The following PLCH2 variants were observed in gnomAD, a reference collection of about 807,000 sequenced individuals.
PLCH2 encodes the protein phospholipase C eta 2.
In PLCH2, 98 loss-of-function variants were observed where a neutral mutation model predicts 134.7. That is an observed-to-expected ratio of 0.73 (90% CI 0.62 to 0.86). PLCH2 has a LOEUF of 0.86. PLCH2 is among the 40% of genes least tolerant of loss of function. PLCH2 has a pLI of 0.00. For missense variants in PLCH2, 1,994 were observed against 1,986.6 expected (o/e 1.00, Z -0.07); for synonymous variants, 974 against 827.5 (o/e 1.18, Z -3.04).
At chr1:2,436,633 C>A (rs3001357) in intron 2 of PLCH2, among the ~76,000 whole-genome samples, 3,062 of 152,122 alleles carry the variant, frequency 0.02, 111 homozygotes, top group African/African-American at 0.069. Flanking sequence ...CAGGGCTTAG[C>A]CGTCACCTGT....
intron 11 of PLCH2, chr1:2,494,422 G>A (rs1405374284): frequency 2.0e-5 from 5 of 245,610 alleles, no homozygotes; most frequent in East Asian, 1.3e-4. Flanking sequence ...CGCGCACTGC[G>A]GGAACAGGTC....
intron 2 of PLCH2, among the ~76,000 whole-genome samples, chr1:2,437,969 C>T (rs114112434): frequency 0.016 from 2,474 of 152,348 alleles, 27 homozygotes; most frequent in Non-Finnish European, 0.025. Context: ...TTGCCTGCCT[C>T]TGCCACCCCA....
rs1380809325 is a variant in PLCH2 at position 2,476,317 on chromosome 1, G to C, written c.-272G>C. 2.7e-6 allele frequency: 1 copy of C among 372,784 alleles called. No homozygotes were observed. Among genetic ancestry groups the C allele is most frequent in the Non-Finnish European group, 4.8e-6 (1 of 208,896 alleles). 23.1% of individuals were successfully genotyped at this position (372,784 alleles called of 1,614,324 possible). ...CTTTGCTCCCCCAGCCTTGGGAGGC[G>C]GCTGCGTCAGGGATTCCTTGGTGGC... On this transcript the variant is annotated 5_prime_UTR_variant, in exon 1 of 22. Coordinates refer to ENST00000378486, the MANE Select transcript of PLCH2 (RefSeq NM_014638.4).
chr1:2,498,527 G>A lies in PLCH2; in HGVS notation c.2229G>A (p.Val743=), dbSNP rs536725588. The change falls in exon 17 of 22, where the codon GTG becomes GTA. Residue 743 remains valine (V), a synonymous_variant. Coordinates refer to ENST00000378486, the MANE Select transcript of PLCH2 (RefSeq NM_014638.4). This position sits in a 1 kb window ranked among gnomAD's most constrained non-coding sequence, Gnocchi z 5.4. ...ACCTCCCCGGCATCCCCTCAGGCGT[G>A]TTCAACCCCAACTCGGAGGACCCCC... The part of the protein sequence containing the change: ...VLKPGCMCQG[V]FNPNSEDPLP... The A allele has an allele frequency of 1.2e-6, 2 of 1,608,028 alleles. No homozygotes were observed. Among genetic ancestry groups the A allele is most frequent in the Non-Finnish European group, 1.7e-6 (2 of 1,178,952 alleles).
intron 15 of PLCH2, 98 bp downstream of exon 15, chr1:2,497,108 G>A: frequency 8.1e-7 from 1 of 1,229,980 alleles, no homozygotes; most frequent in Non-Finnish European, 1.1e-6. Flanking sequence ...TGGGGCCTCG[G>A]TTCTGTCCTG....
intron 2 of PLCH2, among the ~76,000 whole-genome samples, chr1:2,441,420 G>A (rs1639687950): frequency 6.6e-6 from 1 of 152,214 alleles, no homozygotes; most frequent in African/African-American, 2.4e-5. Flanking sequence ...GCCTGGGGAT[G>A]TTCATTCACA....
chr1:2,463,939 G>C (rs1429553639), upstream of PLCH2, among the ~76,000 whole-genome samples: 1 of 152,258 alleles, frequency 6.6e-6, no homozygotes, highest in Non-Finnish European at 1.5e-5. Context: ...GTGAACTGGG[G>C]TCTCCTGAGC....
At position 2,435,454 on chromosome 1, in the gene PLCH2, TGGCTGGAGGCTGGA is replaced by T. The variant is rs58056215; in HGVS notation, c.115+4850_115+4863del. On this transcript the variant is annotated intron_variant, in intron 2 of 3. Transcript: ENST00000609981. ...CAGCAAAGCTGTTTTAGGTTCCAAA[TGGCTGGAGGCTGGA>T]GGCTGGAGGCTGGAGGCTGGAGGCA... 2.8e-3 allele frequency among the ~76,000 whole-genome samples: 427 copies of T among 150,854 alleles called. 2 individuals are homozygous for T. The highest frequency in any genetic ancestry group is 8.4e-3 in the African/African-American group (345 of 40,994).
Position 2,487,662 on chromosome 1 carries a change from G to A in PLCH2, c.1179G>A (p.Lys393=), listed in dbSNP as rs748111822. 1.2e-6 allele frequency: 2 copies of A among 1,613,494 alleles called. No individual in the cohort carries two copies. The change falls in exon 8 of 22, where the codon AAG becomes AAA. Residue 393 remains lysine, a synonymous_variant. Transcript: ENST00000378486. ...ACCATGGCTACACTCTGACTTCCAA[G>A]ATCCTCTTCAAAGACGTCATTGAAA... ...IVHHGYTLTS[K]ILFKDVIETI...
intron 2 of PLCH2, among the ~76,000 whole-genome samples, chr1:2,456,535 G>C (rs1208866420): frequency 6.6e-6 from 1 of 152,238 alleles, no homozygotes; most frequent in East Asian, 1.9e-4. Context: ...GGACGCGTGA[G>C]GTCACCGGGG....
At position 2,476,829 on chromosome 1, in the gene PLCH2, G is replaced by A. The variant is rs968721877; in HGVS notation, c.124+117G>A. 9.5e-5 allele frequency: 103 copies of A among 1,084,306 alleles called. No individual in the cohort carries two copies. The Admixed American group carries it at 1.8e-3, about 19-fold the overall frequency. 67.2% of individuals were successfully genotyped at this position (1,084,306 alleles called of 1,614,324 possible). A position where few individuals can be genotyped will look rare whatever the true frequency, so the allele number is the denominator to read the frequency against. On this transcript the variant is annotated intron_variant, in intron 1 of 21. Transcript: ENST00000378486. The stretch of plus-strand genomic sequence containing the variant: ...TGGGCCTCCATCCCATCCTGCACTC[G>A]CCTCCCCTGTCCCCCGGGTGCTCTA...
chr1:2,464,256 C>T (rs1473716699), upstream of PLCH2, among the ~76,000 whole-genome samples: 4 of 152,212 alleles, frequency 2.6e-5, no homozygotes, highest in Non-Finnish European at 5.9e-5. Flanking sequence ...CCCCTCCCCA[C>T]TCTGCCCTTA....
At chr1:2,436,415 CACCTTTCCTCCTTT>C (rs1639388378) in intron 2 of PLCH2, among the ~76,000 whole-genome samples, 1 of 66,502 alleles carries the variant, frequency 1.5e-5, no homozygotes, top group African/African-American at 8.2e-5. Context: ...TTCCTCCCTC[CACCTTTCCTCCTTT>C]CTCCCTCCTC....
At chr1:2,437,871 C>T (rs1441326897) in intron 2 of PLCH2, among the ~76,000 whole-genome samples, 2 of 152,254 alleles carry the variant, frequency 1.3e-5, no homozygotes, top group Non-Finnish European at 1.5e-5. Context: ...CATGCACCCA[C>T]GCACGTGGCC....
At chr1:2,447,205 G>A (rs537870804) in intron 2 of PLCH2, among the ~76,000 whole-genome samples, 5 of 152,352 alleles carry the variant, frequency 3.3e-5, no homozygotes, top group South Asian at 4.1e-4. Flanking sequence ...TGGCAGAAAC[G>A]AGCAACCTGA....
At chr1:2,501,793 G>A (rs1313201086) in intron 20 of PLCH2, 3 of 329,592 alleles carry the variant, frequency 9.1e-6, no homozygotes, top group African/African-American at 4.2e-5. Flanking sequence ...CCTCCGGAGG[G>A]AAAGACCTTC....
Position 2,503,938 on chromosome 1 carries a change from C to A in PLCH2, c.2976C>A (p.Ser992=). The change falls in exon 22 of 22, where the codon TCC becomes TCA. Residue 992 remains serine, a synonymous_variant. Coordinates refer to ENST00000378486, the MANE Select transcript of PLCH2 (RefSeq NM_014638.4). ...TCCCCACAGACACCCGCCCCCTCTC[C>A]ACGCAGCGGCCACTCCCCCCACTGT... ...SGSPRDTRPL[S]TQRPLPPLCS... 7.8e-7 allele frequency: 1 copy of A among 1,286,036 alleles called. No homozygotes were observed. Among genetic ancestry groups the A allele is most frequent in the Non-Finnish European group, 1.1e-6 (1 of 911,520 alleles). 79.7% of individuals were successfully genotyped at this position (1,286,036 alleles called of 1,614,324 possible).
chr1:2,444,494 G>A lies in PLCH2; in HGVS notation c.115+13865G>A, dbSNP rs1179271135. Among the ~76,000 whole-genome samples, 1 of 152,118 alleles carries A rather than the reference G, an allele frequency of 6.6e-6. No individual in the cohort carries two copies. The highest frequency in any genetic ancestry group is 1.9e-4 in the East Asian group (1 of 5,154). ...AGGCGGGAGCTCCGGAGGCCCTGGGGCGGCCCTGCTGGATGGTCTGTAGGA... is the reference window on the plus strand; with the variant it reads ...AGGCGGGAGCTCCGGAGGCCCTGGGACGGCCCTGCTGGATGGTCTGTAGGA... On this transcript the variant is annotated intron_variant, in intron 2 of 3. Transcript: ENST00000609981. The surrounding 1 kb of genome is among the most constrained non-coding windows in gnomAD (Gnocchi z 4.6).
intron 8 of PLCH2, 113 bp downstream of exon 8, chr1:2,487,831 G>T: frequency 9.7e-7 from 1 of 1,031,318 alleles, no homozygotes; most frequent in Non-Finnish European, 1.4e-6. Context: ...AGTGACTGTG[G>T]TGACCAGGGG....
Sources: allele counts gnomAD v4.1 joint callset (sites outside exome capture counted in the v4.1 genomes callset), GRCh38; gene constraint gnomAD v4.1.1; non-coding constraint Gnocchi (gnomAD v3.1); transcripts MANE v1.5; gene names NCBI Gene and HGNC (gene_info 2026-07-23, HGNC 2026-07-21).